Variants in FBXL7 observed in about 807,000 individuals in gnomAD.
The protein encoded by FBXL7 is F-box/LRR-repeat protein 7.
Under a neutral mutation model 38.3 loss-of-function variants are expected in FBXL7, and 12 were observed. The ratio of observed to expected loss-of-function variants is 0.31; its 90% CI spans 0.20 to 0.51. FBXL7 has a LOEUF of 0.51. Ranked by LOEUF, FBXL7 falls within the 20% of genes least tolerant of loss-of-function variation. The pLI, the probability that FBXL7 is intolerant of heterozygous loss-of-function variation, is 0.98. For synonymous variants in FBXL7, 297 were observed against 300.9 expected (o/e 0.99, Z 0.13); for missense variants, 567 against 676.4 (o/e 0.84, Z 1.79).
At chr5:15,868,338 C>T (rs1483806050) in intron 2 of FBXL7, among the ~76,000 whole-genome samples, 2 of 152,188 alleles carry the variant, frequency 1.3e-5, no homozygotes, top group Non-Finnish European at 2.9e-5. Flanking sequence ...TTGATCTTAG[C>T]CTGGTGAGAT....
intron 1 of FBXL7, among the ~76,000 whole-genome samples, chr5:15,607,591 A>AT (rs1040575887): frequency 1.3e-5 from 2 of 152,322 alleles, no homozygotes; most frequent in African/African-American, 4.8e-5. Context: ...AGGACTCCCC[A>AT]TTAAATGAAC....
intron 1 of FBXL7, among the ~76,000 whole-genome samples, chr5:15,615,445 C>T (rs1740412866): frequency 6.6e-6 from 1 of 152,166 alleles, no homozygotes; most frequent in African/African-American, 2.4e-5. Flanking sequence ...AAATCATCTC[C>T]AGTTGAGAAC....
At chr5:15,582,922 C>G (rs1429038) in intron 1 of FBXL7, among the ~76,000 whole-genome samples, 151,099 of 151,332 alleles carry the variant, frequency 1, 75,435 homozygotes, top group Middle Eastern at 1. Flanking sequence ...ACCTAATCCT[C>G]TCCTTGGCTC....
At chr5:15,625,775 A>G (rs528266907) in intron 2 of FBXL7, among the ~76,000 whole-genome samples, 1 of 152,346 alleles carries the variant, frequency 6.6e-6, no homozygotes, top group South Asian at 2.1e-4. Flanking sequence ...TAATTTCAGC[A>G]TGTACCTTAG....
rs911129025 is a variant in FBXL7, at chr5:15,820,869, C to G, written c.128-107021C>G. On this transcript the variant is annotated intron_variant, in intron 2 of 3. Coordinates refer to ENST00000504595, the MANE Select transcript of FBXL7 (RefSeq NM_012304.5). ...CAACTTGGCTACACTCATCCCACAC[C>G]CCCAAACTCCACCCTTGCTCTGGCT... Among the ~76,000 whole-genome samples, 11 of 152,008 alleles carry G rather than the reference C, an allele frequency of 7.2e-5. No individual in the cohort carries two copies. The South Asian group carries it at 8.3e-4, about 12-fold the overall frequency.
intron 1 of FBXL7, among the ~76,000 whole-genome samples, chr5:15,554,433 C>T (rs189563484): frequency 6.6e-6 from 1 of 152,296 alleles, no homozygotes; most frequent in Admixed American, 6.5e-5. Context: ...GCCAGTCATT[C>T]TAAATGTATT....
chr5:15,720,830 T>G (rs1012328323), intron 2 of FBXL7, among the ~76,000 whole-genome samples: 2 of 151,832 alleles, frequency 1.3e-5, no homozygotes, highest in Non-Finnish European at 2.9e-5. Context: ...TTATATTGTA[T>G]AAGAACATAG....
intron 2 of FBXL7, among the ~76,000 whole-genome samples, chr5:15,898,859 G>A (rs1209764495): frequency 6.6e-6 from 1 of 152,050 alleles, no homozygotes; most frequent in Admixed American, 6.5e-5. Flanking sequence ...CATTGCTCCT[G>A]CTCAGCCTTT....
chr5:15,687,542 C>G (rs1476192080), intron 2 of FBXL7, among the ~76,000 whole-genome samples: 1 of 152,190 alleles, frequency 6.6e-6, no homozygotes, highest in Non-Finnish European at 1.5e-5. Flanking sequence ...TTTCATAGAG[C>G]TGTAGGACCT....
At chr5:15,537,089 A>G (rs1294009695) in intron 1 of FBXL7, among the ~76,000 whole-genome samples, 2 of 152,164 alleles carry the variant, frequency 1.3e-5, no homozygotes, top group East Asian at 3.8e-4. Flanking sequence ...ATTTTCTGCC[A>G]TCATGAGAAG....
At chr5:15,636,879 A>G (rs1741202712) in intron 2 of FBXL7, among the ~76,000 whole-genome samples, 1 of 152,222 alleles carries the variant, frequency 6.6e-6, no homozygotes, top group African/African-American at 2.4e-5. Context: ...GATCTGATAC[A>G]TTCTTAATCA....
At chr5:15,515,336 A>G (rs992448793) in intron 1 of FBXL7, among the ~76,000 whole-genome samples, 3 of 152,232 alleles carry the variant, frequency 2.0e-5, no homozygotes, top group Non-Finnish European at 4.4e-5. Flanking sequence ...TAGCTGGCAA[A>G]AGAACAAAAA....
chr5:15,807,350 C>T (rs1737741719), intron 2 of FBXL7, among the ~76,000 whole-genome samples: 1 of 152,306 alleles, frequency 6.6e-6, no homozygotes, highest in East Asian at 1.9e-4. Flanking sequence ...AACCCTGCCT[C>T]TTAGAGATCC....
At chr5:15,643,398 T>C (rs766848643) in intron 2 of FBXL7, among the ~76,000 whole-genome samples, 1 of 152,214 alleles carries the variant, frequency 6.6e-6, no homozygotes, top group Non-Finnish European at 1.5e-5. Context: ...AGATCTTCAA[T>C]GTAGTGCTTA....
chr5:15,887,848 G>A (rs1028319977), intron 2 of FBXL7, among the ~76,000 whole-genome samples: 1 of 152,142 alleles, frequency 6.6e-6, no homozygotes, highest in Non-Finnish European at 1.5e-5. Context: ...AGTAGAGTGG[G>A]GAGGAAAAGC....
chr5:15,800,506 G>A (rs553131435), intron 2 of FBXL7, among the ~76,000 whole-genome samples: 6 of 152,332 alleles, frequency 3.9e-5, no homozygotes, highest in African/African-American at 1.4e-4. Flanking sequence ...AATTGAGTGG[G>A]AGGAAAATGG....
intron 1 of FBXL7, among the ~76,000 whole-genome samples, chr5:15,608,580 A>T (rs1580402330): frequency 2.0e-5 from 3 of 152,312 alleles, no homozygotes; most frequent in African/African-American, 7.2e-5. Context: ...GAACATCTAC[A>T]ATCAGTGGAC....
chr5:15,863,618 A>G (rs1446926841), intron 2 of FBXL7, among the ~76,000 whole-genome samples: 1 of 152,152 alleles, frequency 6.6e-6, no homozygotes, highest in Non-Finnish European at 1.5e-5. Flanking sequence ...ACCAAATCTC[A>G]TGTTGAAATT....
chr5:15,526,996 G>A (rs1737268318), intron 1 of FBXL7, among the ~76,000 whole-genome samples: 1 of 152,150 alleles, frequency 6.6e-6, no homozygotes, highest in South Asian at 2.1e-4. Flanking sequence ...AGGTTGGGTG[G>A]AGTTGGCCTA....
Sources: gnomAD v4.1 joint callset for allele counts (sites outside exome capture counted in the v4.1 genomes callset) on GRCh38, gnomAD v4.1.1 for gene constraint, MANE v1.5 for transcripts, NCBI Gene and HGNC (gene_info 2026-07-23, HGNC 2026-07-21) for gene names.